PITPNC1: variants seen among roughly 807,000 people sequenced by gnomAD.
PITPNC1 encodes phosphatidylinositol transfer protein cytoplasmic 1.
Under a neutral mutation model 44.7 loss-of-function variants are expected in PITPNC1, and 18 were observed. That is an observed-to-expected ratio of 0.40 (90% CI 0.28 to 0.60). The LOEUF is 0.60. Among genes scored for constraint, PITPNC1 ranks in the 20% least tolerant of loss-of-function variants. The probability of loss-of-function intolerance (pLI) is 0.39; values close to 1 mark genes in which losing one functional copy is unlikely to be tolerated. For missense variants in PITPNC1, 290 were observed against 418.4 expected (o/e 0.69, Z 2.68); for synonymous variants, 141 against 149.6 (o/e 0.94, Z 0.42).
chr17:67,607,106 G>A (rs1254019511), intron 5 of PITPNC1, among the ~76,000 whole-genome samples: 1 of 152,212 alleles, frequency 6.6e-6, no homozygotes, highest in African/African-American at 2.4e-5. Flanking sequence ...GACCATGTGA[G>A]CACAACTTTG....
intron 1 of PITPNC1, among the ~76,000 whole-genome samples, chr17:67,401,123 C>T (rs143748013): frequency 0.011 from 1,631 of 152,134 alleles, 25 homozygotes; most frequent in African/African-American, 0.034. Flanking sequence ...TTAGTAGAGA[C>T]GGGGTTTCAC....
chr17:67,425,193 G>GCGCGCGCGCGCGCGCGCGCGCGCA (rs1160522771), intron 1 of PITPNC1, among the ~76,000 whole-genome samples: 2 of 52,116 alleles, frequency 3.8e-5, no homozygotes, highest in African/African-American at 1.0e-4. Context: ...TTGTGCGCGC[G>GCGCGCGCGCGCGCGCGCGCGCGCA]CACGCACACG....
At chr17:67,480,546 G>A (rs1159196229) in intron 1 of PITPNC1, among the ~76,000 whole-genome samples, 1 of 152,024 alleles carries the variant, frequency 6.6e-6, no homozygotes, top group Non-Finnish European at 1.5e-5. Flanking sequence ...ATGTATTTTT[G>A]ATCTGGAAAA....
At chr17:67,623,185 G>C (rs140213722) in intron 5 of PITPNC1, among the ~76,000 whole-genome samples, 2 of 148,372 alleles carry the variant, frequency 1.3e-5, no homozygotes, top group African/African-American at 4.9e-5. Flanking sequence ...CTCTTTAATC[G>C]TATCTGAAGC....
At chr17:67,470,122 C>T (rs977641358) in intron 1 of PITPNC1, among the ~76,000 whole-genome samples, 1 of 152,072 alleles carries the variant, frequency 6.6e-6, no homozygotes, top group Admixed American at 6.6e-5. Flanking sequence ...GGGGTTTCAC[C>T]ATGTCGGCCA....
At chr17:67,594,953 G>T (rs973461420) in intron 5 of PITPNC1, among the ~76,000 whole-genome samples, 1 of 152,026 alleles carries the variant, frequency 6.6e-6, no homozygotes, top group Admixed American at 6.6e-5. Context: ...GTTTTAACAC[G>T]GCCATTGTTT....
At chr17:67,459,113 C>CTTTTTTTTTTTTTTTTTTTTTT (rs886333854) in intron 1 of PITPNC1, among the ~76,000 whole-genome samples, 4 of 95,730 alleles carry the variant, frequency 4.2e-5, no homozygotes, top group Admixed American at 2.1e-4. Flanking sequence ...TTTTCTTTTT[C>CTTTTTTTTTTTTTTTTTTTTTT]TTTTTTTTTT....
chr17:67,640,324 C>T (rs1405573011), intron 6 of PITPNC1, among the ~76,000 whole-genome samples: 2 of 152,224 alleles, frequency 1.3e-5, no homozygotes, highest in East Asian at 1.9e-4. Flanking sequence ...CAGCAGCTGC[C>T]GCATCGCGGG....
At chr17:67,573,434 CAT>C (rs1486986391) in intron 4 of PITPNC1, among the ~76,000 whole-genome samples, 7 of 151,666 alleles carry the variant, frequency 4.6e-5, no homozygotes, top group Non-Finnish European at 8.8e-5. Flanking sequence ...GTTGCTCAGT[CAT>C]ATTGCAGTGT....
intron 1 of PITPNC1, among the ~76,000 whole-genome samples, chr17:67,492,016 A>G (rs1416383656): frequency 6.6e-6 from 1 of 151,792 alleles, no homozygotes; most frequent in Non-Finnish European, 1.5e-5. Context: ...TTTTTTTAAA[A>G]AAAAAAAGAT....
chr17:67,670,101 A>T (rs962039854), intron 7 of PITPNC1, among the ~76,000 whole-genome samples: 5 of 152,214 alleles, frequency 3.3e-5, no homozygotes, highest in South Asian at 2.1e-4. Context: ...AATAAAAAAT[A>T]AAAAAATAAA....
chr17:67,656,947 G>A (rs949490762), intron 6 of PITPNC1, among the ~76,000 whole-genome samples: 8 of 152,286 alleles, frequency 5.3e-5, no homozygotes, highest in East Asian at 1.9e-4. Context: ...GAGGTCAACC[G>A]ATGTGTGAAG....
intron 6 of PITPNC1, among the ~76,000 whole-genome samples, chr17:67,663,292 G>C (rs1020370736): frequency 6.6e-6 from 1 of 152,090 alleles, no homozygotes; most frequent in South Asian, 2.1e-4. Context: ...GCAGTAGGCC[G>C]GGCGCGGTGG....
chr17:67,619,037 C>T (rs750347499), intron 5 of PITPNC1, among the ~76,000 whole-genome samples: 14 of 151,334 alleles, frequency 9.3e-5, no homozygotes, highest in Non-Finnish European at 1.8e-4. Flanking sequence ...CCAGCCTGGG[C>T]GACAGAGTGA....
chr17:67,465,405 T>C (rs149149976), intron 1 of PITPNC1, among the ~76,000 whole-genome samples: 78 of 152,332 alleles, frequency 5.1e-4, no homozygotes, highest in Middle Eastern at 3.4e-3. Context: ...GTAGCACCGA[T>C]GTGGAATCCC....
intron 1 of PITPNC1, among the ~76,000 whole-genome samples, chr17:67,442,594 G>A (rs905933799): frequency 1.3e-5 from 2 of 151,876 alleles, no homozygotes; most frequent in Admixed American, 6.6e-5. Context: ...TGTAATCCCA[G>A]CATATTGGGA....
At chr17:67,527,688 G>A (rs547640246) in intron 1 of PITPNC1, among the ~76,000 whole-genome samples, 87 of 151,662 alleles carry the variant, frequency 5.7e-4, no homozygotes, top group Non-Finnish European at 1.1e-3. Flanking sequence ...GAGACAGAGC[G>A]AGACTCCATC....
At chr17:67,553,507 A>G (rs1425889374) in intron 3 of PITPNC1, 103 bp from the exon 4 acceptor site, 2 of 497,636 alleles carry the variant, frequency 4.0e-6, no homozygotes, top group Admixed American at 4.1e-5. Flanking sequence ...GTTCGTCAGT[A>G]TTTGTTAGTT....
At chr17:67,690,387 G>T (rs1166208344) in intron 8 of PITPNC1, among the ~76,000 whole-genome samples, 1 of 151,244 alleles carries the variant, frequency 6.6e-6, no homozygotes, top group Non-Finnish European at 1.5e-5. Flanking sequence ...GGCGGAAGTT[G>T]CAGTGAGCCG....
Sources: gnomAD v4.1 joint callset for allele counts (sites outside exome capture counted in the v4.1 genomes callset) on GRCh38, gnomAD v4.1.1 for gene constraint, MANE v1.5 for transcripts, NCBI Gene and HGNC (gene_info 2026-07-23, HGNC 2026-07-21) for gene names.